Variants in LCA5L observed in about 807,000 individuals in gnomAD.
LCA5L encodes the protein lebercilin-like protein.
A neutral mutation model predicts 45.4 loss-of-function variants in LCA5L; 35 were observed. That is an observed-to-expected ratio of 0.77 (90% CI 0.59 to 1.02). The LOEUF (loss-of-function observed/expected upper bound fraction) is 1.02. LCA5L is among the 50% of genes least tolerant of loss of function. LCA5L has a pLI of 0.00. For missense variants in LCA5L, 668 were observed against 761.6 expected (o/e 0.88, Z 1.45); for synonymous variants, 233 against 264.7 (o/e 0.88, Z 1.16).
intron 3 of LCA5L, among the ~76,000 whole-genome samples, chr21:39,430,588 G>T (rs2075602564): frequency 6.6e-6 from 1 of 152,126 alleles, no homozygotes; most frequent in Admixed American, 6.5e-5. Context: ...AGAAAGAAAA[G>T]AAGCTTATCT....
chr21:39,439,247 T>C (rs779995445), intron 2 of LCA5L, among the ~76,000 whole-genome samples: 2 of 152,206 alleles, frequency 1.3e-5, no homozygotes, highest in Non-Finnish European at 2.9e-5. Context: ...CAGGCTTTTC[T>C]AGAAGTTAGA....
At chr21:39,411,634 T>C in intron 8 of LCA5L, 84 bp downstream of exon 8, 1 of 643,430 alleles carries the variant, frequency 1.6e-6, no homozygotes. Context: ...TTTTTGAAAA[T>C]ATCCATTATT....
chr21:39,419,861 AAGAT>A (rs2041986083), intron 7 of LCA5L, among the ~76,000 whole-genome samples: 1 of 152,228 alleles, frequency 6.6e-6, no homozygotes, highest in Non-Finnish European at 1.5e-5. Flanking sequence ...TGAAGGCAGA[AAGAT>A]AGCAAAAAGC....
chr21:39,413,386 C>T (rs1395449950), intron 7 of LCA5L, among the ~76,000 whole-genome samples: 4 of 152,180 alleles, frequency 2.6e-5, no homozygotes, highest in Non-Finnish European at 5.9e-5. Context: ...AGCTTTTATC[C>T]ATTTCTTCTT....
intron 5 of LCA5L, among the ~76,000 whole-genome samples, chr21:39,425,117 T>C (rs1470946241): frequency 1.3e-5 from 2 of 152,204 alleles, no homozygotes; most frequent in Non-Finnish European, 2.9e-5. Flanking sequence ...TATATCTAGA[T>C]TCGGAGAAGG....
At chr21:39,423,770 G>A (rs2074145216) in intron 5 of LCA5L, among the ~76,000 whole-genome samples, 1 of 152,036 alleles carries the variant, frequency 6.6e-6, no homozygotes, top group Non-Finnish European at 1.5e-5. Flanking sequence ...AGATTACATA[G>A]CCACGAAGTG....
At chr21:39,443,002 G>A (rs2077024758) in intron 2 of LCA5L, among the ~76,000 whole-genome samples, 1 of 152,238 alleles carries the variant, frequency 6.6e-6, no homozygotes, top group Non-Finnish European at 1.5e-5. Flanking sequence ...AGGAAAAGCA[G>A]AAGAGTCAGG....
intron 10 of LCA5L, among the ~76,000 whole-genome samples, chr21:39,407,023 C>T (rs1288696263): frequency 5.3e-5 from 8 of 152,146 alleles, no homozygotes; most frequent in Admixed American, 4.6e-4. Context: ...GCCCAAGAGT[C>T]TGAGACCAGC....
At chr21:39,420,624 C>A in intron 7 of LCA5L, 82 bp downstream of exon 7, 3 of 1,156,428 alleles carry the variant, frequency 2.6e-6, no homozygotes, top group African/African-American at 1.6e-5. Flanking sequence ...TAAAAAATCA[C>A]TTAAAGATAT....
At position 39,415,210 on chromosome 21, in the gene LCA5L, A is replaced by G. The variant is rs2040919804; in HGVS notation, c.976-3408T>C. Among the ~76,000 whole-genome samples the G allele has an allele frequency of 2.0e-5, 3 of 152,206 alleles. No homozygotes were observed. The East Asian group carries it at 5.8e-4, about 29-fold the overall frequency. Reference sequence around the variant, plus strand: ...CCTGGCTTGGAGTGTTATTTTAAAAATAACATTTTCTGTCATTTCCATGGG... The same window carrying G: ...CCTGGCTTGGAGTGTTATTTTAAAAGTAACATTTTCTGTCATTTCCATGGG... On this transcript the variant is annotated intron_variant, in intron 7 of 10. Coordinates refer to ENST00000288350, the MANE Select transcript of LCA5L (RefSeq NM_152505.4).
chr21:39,426,501 G>C (rs1410502540), intron 5 of LCA5L, among the ~76,000 whole-genome samples: 1 of 152,112 alleles, frequency 6.6e-6, no homozygotes, highest in Non-Finnish European at 1.5e-5. Flanking sequence ...ATTTGGGGGT[G>C]GGTTTTAAAG....
At position 39,423,354 on chromosome 21, in the gene LCA5L, TC is replaced by T; in HGVS notation, c.458del (p.Gly153AspfsTer2). The T allele has an allele frequency of 6.2e-7, 1 of 1,612,942 alleles. No individual in the cohort carries two copies. The highest frequency in any genetic ancestry group is 1.1e-5 in the South Asian group (1 of 90,920). On this transcript the variant is annotated frameshift_variant, in exon 6 of 11. Transcript: ENST00000288350. LOFTEE classifies it high-confidence loss of function. The part of the protein sequence containing the change: ...ILSARLHKIK[G>X]LKNELADMHH... Reference sequence around the variant, plus strand: ...GCATATCAGCTAATTCATTTTTTAGTCCTTTAATTTTATGAAGCCTTGCTGA... The same window carrying T: ...GCATATCAGCTAATTCATTTTTTAGTCTTTAATTTTATGAAGCCTTGCTGA...
intron 2 of LCA5L, chr21:39,443,326 G>C (rs747386468): frequency 6.6e-6 from 1 of 152,428 alleles, no homozygotes; most frequent in East Asian, 1.9e-4. Flanking sequence ...ACTTGAACAT[G>C]CTTCAAAACC....
intron 7 of LCA5L, 40 bp from the exon 8 acceptor site, chr21:39,411,842 G>T: frequency 8.6e-7 from 1 of 1,158,538 alleles, no homozygotes; most frequent in Non-Finnish European, 1.3e-6. Flanking sequence ...ATAAATGCTT[G>T]CTTTTGTCAA....
chr21:39,405,736 C>T lies in LCA5L; in HGVS notation c.*146G>A, dbSNP rs747281653. ...ATAGATTTTTTACTAGATTAGCAAT[C>T]AAACAAAAATTTAATTATCGAAAGT... On this transcript the variant is annotated 3_prime_UTR_variant, in exon 11 of 11. Transcript: ENST00000288350. 2.4e-5 allele frequency: 13 copies of T among 543,890 alleles called. No individual in the cohort carries two copies. The highest frequency in any genetic ancestry group is 3.0e-5 in the Non-Finnish European group (10 of 338,036). The allele number at this position is 543,890 out of a possible 1,614,324, so 33.7% of individuals were successfully genotyped here.
intron 7 of LCA5L, among the ~76,000 whole-genome samples, chr21:39,416,503 G>A (rs920408943): frequency 6.6e-6 from 1 of 152,098 alleles, no homozygotes; most frequent in African/African-American, 2.4e-5. Flanking sequence ...TTTTTTTAGG[G>A]AGCCTTGGTT....
In LCA5L at chr21:39,409,049, T is replaced by C. The variant is rs1457565772; in HGVS notation, c.1282+930A>G. Among the ~76,000 whole-genome samples the C allele has an allele frequency of 6.6e-6, 1 of 152,220 alleles. No individual in the cohort carries two copies. The highest frequency in any genetic ancestry group is 1.5e-5 in the Non-Finnish European group (1 of 68,032). On this transcript the variant is annotated intron_variant, in intron 10 of 10. Transcript: ENST00000288350. The surrounding 1 kb of genome is among the most constrained non-coding windows in gnomAD (Gnocchi z 4.2). Reference sequence around the variant, plus strand: ...GAAGCCGTAACCCCCAGTATGGCTATATTTGGAGACTGGGTCTTTAAGGAA... The same window carrying C: ...GAAGCCGTAACCCCCAGTATGGCTACATTTGGAGACTGGGTCTTTAAGGAA...
chr21:39,440,120 T>TG (rs1243425381), intron 2 of LCA5L, among the ~76,000 whole-genome samples: 1 of 152,180 alleles, frequency 6.6e-6, no homozygotes, highest in South Asian at 2.1e-4. Context: ...CTAACTCTGC[T>TG]GAGAGGGCCT....
intron 1 of LCA5L, chr21:39,444,889 G>A (rs924747196): frequency 2.0e-5 from 3 of 152,178 alleles, no homozygotes; most frequent in Non-Finnish European, 2.9e-5. Context: ...TATCTTGGAC[G>A]AGCTGTGTTT....
Sources: allele counts gnomAD v4.1 joint callset (sites outside exome capture counted in the v4.1 genomes callset), GRCh38; gene constraint gnomAD v4.1.1; non-coding constraint Gnocchi (gnomAD v3.1); transcripts MANE v1.5; gene names NCBI Gene and HGNC (gene_info 2026-07-23, HGNC 2026-07-21).